Variants in PRPSAP1 observed in about 807,000 individuals in gnomAD.
The protein encoded by PRPSAP1 is phosphoribosyl pyrophosphate synthetase associated protein 1.
Under a neutral mutation model 39.4 loss-of-function variants are expected in PRPSAP1, and 31 were observed. That is an observed-to-expected ratio of 0.79 (90% CI 0.59 to 1.06). The LOEUF (loss-of-function observed/expected upper bound fraction) is 1.06. Ranked by LOEUF, PRPSAP1 falls within the 50% of genes least tolerant of loss-of-function variation. The probability of loss-of-function intolerance (pLI) is 0.00; values close to 1 mark genes in which losing one functional copy is unlikely to be tolerated. For synonymous variants in PRPSAP1, 212 were observed against 192.6 expected (o/e 1.10, Z -0.83); for missense variants, 430 against 511.6 (o/e 0.84, Z 1.54).
At chr17:76,328,962 A>G in intron 6 of PRPSAP1, 100 bp from the exon 7 acceptor site, 1 of 1,338,838 alleles carries the variant, frequency 7.5e-7, no homozygotes, top group South Asian at 1.4e-5. Flanking sequence ...TTAACGTTTC[A>G]GGGACATACA....
In PRPSAP1 at chr17:76,353,732, GC is replaced by G. The variant is rs1473438495; in HGVS notation, c.-30del. On this transcript the variant is annotated 5_prime_UTR_variant, in exon 1 of 10. Coordinates refer to ENST00000446526, the MANE Select transcript of PRPSAP1 (RefSeq NM_002766.3). ...CCGGCCCGCGGCGCGGTTACGACCG[GC>G]CCCGCGCGGGGCTGCACTCTGAGTG... 7.0e-7 allele frequency: 1 copy of G among 1,433,830 alleles called. No individual in the cohort carries two copies. 88.8% of individuals were successfully genotyped at this position (1,433,830 alleles called of 1,614,324 possible). A position where few individuals can be genotyped will look rare whatever the true frequency, so the allele number is the denominator to read the frequency against.
Position 76,348,540 on chromosome 17 carries a change from TC to T in PRPSAP1, c.211del (p.Glu71ArgfsTer10). 2 of 1,486,404 alleles carry T rather than the reference TC, an allele frequency of 1.3e-6. No individual in the cohort carries two copies. The highest frequency in any genetic ancestry group is 1.8e-6 in the Non-Finnish European group (2 of 1,125,216). The allele number at this position is 1,486,404 out of a possible 1,614,324, so 92.1% of individuals were successfully genotyped here. On this transcript the variant is annotated frameshift_variant, in exon 2 of 10. Coordinates refer to ENST00000446526, the MANE Select transcript of PRPSAP1 (RefSeq NM_002766.3). LOFTEE classifies it high-confidence loss of function. ...TAATTTTAACTTACCTCCATTGGTC[TC>T]TTGATATACAACAGACTTCCCCAAT... ...AELGKSVVYQ[E>X]TNGETRVEIK...
At position 76,309,748 on chromosome 17, in the gene PRPSAP1, T is replaced by G. The variant is rs553182995; in HGVS notation, c.*1794A>C. The G allele has an allele frequency of 6.6e-6, 1 of 152,354 alleles. No individual in the cohort carries two copies. The highest frequency in any genetic ancestry group is 1.9e-4 in the East Asian group (1 of 5,190). 9.4% of individuals were successfully genotyped at this position (152,354 alleles called of 1,614,324 possible). A position where few individuals can be genotyped will look rare whatever the true frequency, so the allele number is the denominator to read the frequency against. ...ATGTGCATAGCTTATATGCAGATAC[T>G]ACACCATTTTCTATCAGGGACTTGC... On this transcript the variant is annotated 3_prime_UTR_variant, in exon 10 of 10. Transcript: ENST00000446526.
intron 1 of PRPSAP1, 73 bp from the exon 2 acceptor site, chr17:76,348,654 T>C: frequency 9.1e-7 from 1 of 1,100,456 alleles, no homozygotes; most frequent in South Asian, 1.6e-5. Flanking sequence ...CATATGCATA[T>C]GTCTAATAAA....
At chr17:76,336,683 G>A (rs1219807783) in intron 3 of PRPSAP1, among the ~76,000 whole-genome samples, 1 of 130,144 alleles carries the variant, frequency 7.7e-6, no homozygotes, top group African/African-American at 3.0e-5. Flanking sequence ...GGTGAGCCGA[G>A]ATCATGCCAT....
intron 2 of PRPSAP1, among the ~76,000 whole-genome samples, chr17:76,347,793 G>A (rs1466792904): frequency 5.3e-5 from 8 of 152,020 alleles, no homozygotes; most frequent in Non-Finnish European, 7.4e-5. Flanking sequence ...AGCAGCAAAC[G>A]GCAGGCTGGA....
chr17:76,345,985 G>T (rs191323943), intron 2 of PRPSAP1: 2 of 474,882 alleles, frequency 4.2e-6, no homozygotes, highest in Admixed American at 2.3e-5. Context: ...CTGCAAAGAA[G>T]GGAGAGAAGG....
chr17:76,319,667 C>A (rs1313449112), intron 7 of PRPSAP1, among the ~76,000 whole-genome samples: 1 of 152,028 alleles, frequency 6.6e-6, no homozygotes, highest in Admixed American at 6.5e-5. Context: ...CGGGGTTTCA[C>A]CGTGTTGGCC....
At position 76,330,036 on chromosome 17, in the gene PRPSAP1, T is replaced by C; in HGVS notation, c.635+7A>G. The C allele has an allele frequency of 6.2e-7, 1 of 1,612,728 alleles. No homozygotes were observed. Among genetic ancestry groups the C allele is most frequent in the Non-Finnish European group, 8.5e-7 (1 of 1,178,708 alleles). On this transcript the variant is annotated splice_region_variant and intron_variant, in intron 6 of 9. Coordinates refer to ENST00000446526, the MANE Select transcript of PRPSAP1 (RefSeq NM_002766.3). ...GAGGGATCAGGACCCATGTCTAGCTTACTTACCTCTTTGCAGCATCAGGAG... is the reference window on the plus strand; with the variant it reads ...GAGGGATCAGGACCCATGTCTAGCTCACTTACCTCTTTGCAGCATCAGGAG...
In PRPSAP1 at chr17:76,328,790, C is replaced by G. The variant is rs35941375; in HGVS notation, c.708G>C (p.Leu236=). The change falls in exon 7 of 10, where the codon CTG becomes CTC. Residue 236 remains leucine (L), a synonymous_variant. Coordinates refer to ENST00000446526, the MANE Select transcript of PRPSAP1 (RefSeq NM_002766.3). ...GGGAGTGACGACCATCGTCCATGTC[C>G]AGTTCCGTGCACTGAGCTTCCCCGT... ...VIHGEAQCTE[L]DMDDGRHSPP... 260 of 1,614,030 alleles carry G rather than the reference C, an allele frequency of 1.6e-4. 1 individual carries two copies. Among genetic ancestry groups the G allele is most frequent in the Middle Eastern group, 3.3e-4 (2 of 6,084 alleles).
At chr17:76,346,085 C>T in intron 2 of PRPSAP1, 1 of 315,010 alleles carries the variant, frequency 3.2e-6, no homozygotes, top group South Asian at 3.1e-5. Flanking sequence ...CAGGCACCTG[C>T]TGGAGATGCT....
At chr17:76,347,692 A>G (rs1256469187) in intron 2 of PRPSAP1, among the ~76,000 whole-genome samples, 1 of 151,928 alleles carries the variant, frequency 6.6e-6, no homozygotes, top group Non-Finnish European at 1.5e-5. Flanking sequence ...CTTGTTTTAA[A>G]AAGACTGCTG....
At chr17:76,315,460 C>CA (rs1301446142) in intron 7 of PRPSAP1, among the ~76,000 whole-genome samples, 1 of 152,088 alleles carries the variant, frequency 6.6e-6, no homozygotes, top group African/African-American at 2.4e-5. Context: ...TGTATACTGG[C>CA]AAATCAGTTG....
At chr17:76,314,268 G>A (rs555081603) in intron 7 of PRPSAP1, 30 of 246,168 alleles carry the variant, frequency 1.2e-4, no homozygotes, top group African/African-American at 6.8e-4. Context: ...TGCCCAGGCT[G>A]GAGTGCAATG....
intron 3 of PRPSAP1, among the ~76,000 whole-genome samples, chr17:76,341,905 C>A (rs2071443696): frequency 6.6e-6 from 1 of 152,152 alleles, no homozygotes; most frequent in Non-Finnish European, 1.5e-5. Flanking sequence ...CGCCACTGCA[C>A]CCCAGCCTGG....
rs1394306741 is a variant in PRPSAP1, at chr17:76,313,801, T to C, written c.852+20A>G. ...GAGCCAGGAGTGCCACCTCTGCACA[T>C]GGATGACATATAACCATACCACGAT... On this transcript the variant is annotated intron_variant, in intron 8 of 9. Coordinates refer to ENST00000446526, the MANE Select transcript of PRPSAP1 (RefSeq NM_002766.3). The C allele has an allele frequency of 6.2e-7, 1 of 1,613,920 alleles. No homozygotes were observed. Among genetic ancestry groups the C allele is most frequent in the Admixed American group, 1.7e-5 (1 of 59,998 alleles).
chr17:76,315,451 G>C (rs1262250263), intron 7 of PRPSAP1, among the ~76,000 whole-genome samples: 1 of 152,084 alleles, frequency 6.6e-6, no homozygotes, highest in Admixed American at 6.6e-5. Flanking sequence ...GTTTTTCTCT[G>C]TATACTGGCA....
At chr17:76,338,227 CA>C (rs2071399203) in intron 3 of PRPSAP1, among the ~76,000 whole-genome samples, 1 of 151,798 alleles carries the variant, frequency 6.6e-6, no homozygotes, top group African/African-American at 2.4e-5. Flanking sequence ...AAAACAGCAC[CA>C]AAAAAAGGTA....
intron 7 of PRPSAP1, among the ~76,000 whole-genome samples, chr17:76,321,846 A>T (rs1045460933): frequency 6.6e-6 from 1 of 151,822 alleles, no homozygotes; most frequent in African/African-American, 2.4e-5. Context: ...TCCAGGGAAC[A>T]CACAAATGAT....
Sources: gnomAD v4.1 joint callset for allele counts (sites outside exome capture counted in the v4.1 genomes callset) on GRCh38, gnomAD v4.1.1 for gene constraint, MANE v1.5 for transcripts, NCBI Gene and HGNC (gene_info 2026-07-23, HGNC 2026-07-21) for gene names.